Variants in ATM observed in about 807,000 individuals in gnomAD.
ATM encodes the protein serine-protein kinase ATM.
A neutral mutation model predicts 387.0 loss-of-function variants in ATM; 308 were observed. That is an observed-to-expected ratio of 0.80 (90% CI 0.73 to 0.87). The LOEUF (loss-of-function observed/expected upper bound fraction) is 0.87. Ranked by LOEUF, ATM falls within the 40% of genes least tolerant of loss-of-function variation. ATM has a pLI of 0.00. For synonymous variants in ATM, 1,156 were observed against 1,187.3 expected (o/e 0.97, Z 0.54); for missense variants, 3,312 against 3,560.9 (o/e 0.93, Z 1.78).
intron 24 of ATM, 47 bp from the exon 25 acceptor site, chr11:108,282,663 T>G (rs762422038): frequency 2.6e-5 from 40 of 1,552,140 alleles, no homozygotes; most frequent in Non-Finnish European, 3.5e-5. Context: ...TTTAAATGAT[T>G]TATTTTTTTC....
In ATM at chr11:108,327,714, T is replaced by A. The variant is rs2136377302; in HGVS notation, c.7045T>A (p.Cys2349Ser). 6.2e-7 allele frequency: 1 copy of A among 1,614,062 alleles called. No individual in the cohort carries two copies. ...TTGTGGCAACTGGTTAGCAGAAACG[T>A]GCTTAGAAAATCCTGCGGTCATCAT... ...RVCGNWLAET[C>S]LENPAVIMQT... Residue 2349 changes from cysteine to serine, a missense_variant, in exon 48 of 63, where the codon TGC (cysteine) becomes AGC (serine). Around this residue, in one of 4 missense-constraint regions of ATM, gnomAD observed 1,405 missense variants for 1,604.4 expected, o/e 0.88. Transcript: ENST00000675843.
Position 108,329,074 on chromosome 11 carries a change from T to C in ATM, c.7143T>C (p.Asn2381=). 6.2e-7 allele frequency: 1 copy of C among 1,614,060 alleles called. No individual in the cohort carries two copies. The highest frequency in any genetic ancestry group is 1.7e-5 in the Admixed American group (1 of 60,016). ...YDGESSDELR[N]GKMKAFLSLA... The stretch of plus-strand genomic sequence containing the variant: ...GAGAAAGTAGTGATGAGCTAAGAAA[T>C]GGAAAAATGAAGGCATTTCTCTCAT... The change falls in exon 49 of 63, where the codon AAT becomes AAC. Residue 2381 remains asparagine (N), a synonymous_variant. Transcript: ENST00000675843.
chr11:108,343,558 C>T (rs1387030641), intron 57 of ATM, among the ~76,000 whole-genome samples, 187 bp downstream of exon 57: 3 of 152,190 alleles, frequency 2.0e-5, no homozygotes, highest in Non-Finnish European at 4.4e-5. Context: ...TTTTAAACTA[C>T]ATAATATGTC....
intron 36 of ATM, among the ~76,000 whole-genome samples, chr11:108,303,379 A>G (rs138034223): frequency 6.6e-6 from 1 of 152,034 alleles, no homozygotes; most frequent in East Asian, 1.9e-4. Flanking sequence ...TTGAATAAGA[A>G]AAAGGAGTGG....
intron 12 of ATM, 45 bp from the exon 13 acceptor site, chr11:108,253,769 C>A (rs2135364285): frequency 7.0e-7 from 1 of 1,438,484 alleles, no homozygotes; most frequent in Non-Finnish European, 9.7e-7. Flanking sequence ...TAAGGCAAAG[C>A]ATTAGGTACT....
intron 22 of ATM, among the ~76,000 whole-genome samples, chr11:108,273,458 C>T (rs183092012): frequency 1.3e-5 from 2 of 150,126 alleles, no homozygotes; most frequent in African/African-American, 4.9e-5. Context: ...TCTCCTGCCT[C>T]ATCCTCCTGA....
chr11:108,287,719 T>C lies in ATM; in HGVS notation c.4109+4T>C, dbSNP rs754706599. Reference sequence around the variant, plus strand: ...CTGACCTCTGTGACTTTTCAGGGTATGTACATTTTAAACTTAGAGAACTAG... The same window carrying C: ...CTGACCTCTGTGACTTTTCAGGGTACGTACATTTTAAACTTAGAGAACTAG... On this transcript the variant is annotated splice_donor_region_variant and intron_variant, in intron 27 of 62. Coordinates refer to ENST00000675843, the MANE Select transcript of ATM (RefSeq NM_000051.4). 6.9e-6 allele frequency: 11 copies of C among 1,604,234 alleles called. No homozygotes were observed. In the South Asian group the frequency reaches 1.2e-4, roughly 18 times the overall value.
At chr11:108,243,847 A>G in intron 5 of ATM, 106 bp from the exon 6 acceptor site, 4 of 1,094,392 alleles carry the variant, frequency 3.7e-6, no homozygotes, top group Non-Finnish European at 5.2e-6. Flanking sequence ...GCAGTTTTAA[A>G]ATCCTTTTTC....
In ATM at chr11:108,330,343, A is replaced by G. The variant is rs1591160964; in HGVS notation, c.7437A>G (p.Glu2479=). ...NYINCLLSGE[E]HDMWVFRLCS... ...TCAACTGCTTATTAAGTGGAGAAGA[A>G]CATGATATGTGGGTATTCCGACTTT... The change falls in exon 50 of 63, where the codon GAA becomes GAG. Residue 2479 remains glutamate (E), a synonymous_variant. Transcript: ENST00000675843. The G allele has an allele frequency of 1.1e-5, 18 of 1,614,224 alleles. No individual in the cohort carries two copies. Among genetic ancestry groups the G allele is most frequent in the Non-Finnish European group, 1.5e-5 (18 of 1,180,018 alleles).
At position 108,292,673 on chromosome 11, in the gene ATM, A is replaced by G. The variant is rs878853511; in HGVS notation, c.4491A>G (p.Leu1497=). ...GTAGCTTCTCCCTTTGTTGTGACTT[A>G]TTAAGTCAGGTTTGCCAGACAGCCG... ...SLRSFSLCCD[L]LSQVCQTAVT... is the part of the protein sequence containing the mutation. Residue 1497 remains leucine (L), a synonymous_variant, in exon 30 of 63, where the codon TTA becomes TTG. Coordinates refer to ENST00000675843, the MANE Select transcript of ATM (RefSeq NM_000051.4). 1 of 1,613,738 alleles carries G rather than the reference A, an allele frequency of 6.2e-7. No homozygotes were observed. Among genetic ancestry groups the G allele is most frequent in the Non-Finnish European group, 8.5e-7 (1 of 1,179,940 alleles).
At chr11:108,293,195 T>A in intron 30 of ATM, 118 bp from the exon 31 acceptor site, 1 of 697,176 alleles carries the variant, frequency 1.4e-6, no homozygotes, top group Non-Finnish European at 2.3e-6. Context: ...TTAGACGTAA[T>A]TAGAACATTT....
Position 108,227,798 on chromosome 11 carries a change from G to T in ATM, c.95G>T (p.Arg32Leu), listed in dbSNP as rs368161489. Residue 32 changes from arginine to leucine, a missense_variant, in exon 3 of 63, where the codon CGC becomes CTC. Transcript: ENST00000675843. ...CAGAAAGAAGTTGAGAAATTTAAGC[G>T]CCTGATTCGAGATCCTGAAACAATT... ...ERKKEVEKFK[R>L]LIRDPETIKH... 3 of 1,613,508 alleles carry T rather than the reference G, an allele frequency of 1.9e-6. No homozygotes were observed. The highest frequency in any genetic ancestry group is 1.3e-5 in the African/African-American group (1 of 74,950).
rs544656243 is a variant in ATM at position 108,235,259 on chromosome 11, GCACTC to G, written c.332-408_332-404del. Reference sequence around the variant, plus strand: ...TGCAGTGTGCTGAGTTTGTGCCACTGCACTCCAGCCTGGGTGACAGACCAAGATTC... The same window carrying G: ...TGCAGTGTGCTGAGTTTGTGCCACTGCAGCCTGGGTGACAGACCAAGATTC... On this transcript the variant is annotated intron_variant, in intron 4 of 62. Coordinates refer to ENST00000675843, the MANE Select transcript of ATM (RefSeq NM_000051.4). 4.7e-5 allele frequency among the ~76,000 whole-genome samples: 7 copies of G among 149,016 alleles called. 1 individual carries two copies. In the South Asian group the frequency reaches 1.5e-3, roughly 31 times the overall value.
intron 10 of ATM, among the ~76,000 whole-genome samples, chr11:108,251,309 T>A (rs550693718): frequency 6.6e-6 from 1 of 152,238 alleles, no homozygotes; most frequent in Non-Finnish European, 1.5e-5. Context: ...AGTTAAAAAA[T>A]TTTTAATTGA....
chr11:108,354,943 TCACTGATGTGAAGAG>T, intron 61 of ATM, 69 bp downstream of exon 61: 1 of 1,304,882 alleles, frequency 7.7e-7, no homozygotes, highest in Non-Finnish European at 1.1e-6. Flanking sequence ...CATCAGGAAG[TCACTGATGTGAAGAG>T]CACTGCTTCA....
intron 15 of ATM, among the ~76,000 whole-genome samples, chr11:108,258,353 C>T (rs1381125934): frequency 1.3e-5 from 2 of 152,160 alleles, no homozygotes; most frequent in Admixed American, 6.6e-5. Context: ...TATATACAAC[C>T]ATATAGATGA....
chr11:108,358,692 A>G, intron 61 of ATM, among the ~76,000 whole-genome samples: 1 of 150,094 alleles, frequency 6.7e-6, no homozygotes, highest in Non-Finnish European at 1.5e-5. Context: ...ATCCAGCCAA[A>G]CTAAGCTTCA....
intron 15 of ATM, among the ~76,000 whole-genome samples, chr11:108,258,054 G>T (rs2080619787): frequency 6.6e-6 from 1 of 151,872 alleles, no homozygotes; most frequent in Non-Finnish European, 1.5e-5. Flanking sequence ...ACACCACCAT[G>T]CCTGGCTGAT....
At chr11:108,248,293 AT>A (rs1454106103) in intron 8 of ATM, among the ~76,000 whole-genome samples, 1 of 152,148 alleles carries the variant, frequency 6.6e-6, no homozygotes, top group African/African-American at 2.4e-5. Context: ...TTTTCTTAAT[AT>A]TTCTTAAAAT....
Sources: gnomAD v4.1 joint callset for allele counts (sites outside exome capture counted in the v4.1 genomes callset) on GRCh38, gnomAD v4.1.1 for gene constraint, gnomAD v4.1.1 regional missense constraint, MANE v1.5 for transcripts, NCBI Gene and HGNC (gene_info 2026-07-23, HGNC 2026-07-21) for gene names.